Variants in NCOA2 observed in about 807,000 individuals in gnomAD.
The protein encoded by NCOA2 is nuclear receptor coactivator 2, also known as class E basic helix-loop-helix protein 75.
In NCOA2, 21 loss-of-function variants were observed where a neutral mutation model predicts 145.1. That is an observed-to-expected ratio of 0.14 (90% CI 0.10 to 0.21). The LOEUF (loss-of-function observed/expected upper bound fraction) is 0.21, where lower values mean the gene tolerates loss of function less well. Ranked by LOEUF, NCOA2 falls within the 10% of genes least tolerant of loss-of-function variation. The pLI, the probability that NCOA2 is intolerant of heterozygous loss-of-function variation, is 1.00. For missense variants in NCOA2, 1,472 were observed against 1,837.6 expected (o/e 0.80, Z 3.64); for synonymous variants, 619 against 637.5 (o/e 0.97, Z 0.44).
intron 2 of NCOA2, among the ~76,000 whole-genome samples, chr8:70,240,904 C>A (rs1177351395): frequency 3.9e-5 from 6 of 152,066 alleles, no homozygotes; most frequent in African/African-American, 1.4e-4. Context: ...TCAGGAGAAT[C>A]AATGCTATTA....
In NCOA2 at chr8:70,113,659, T is replaced by C; in HGVS notation, c.4384-16A>G. The C allele has an allele frequency of 1.7e-5, 26 of 1,551,354 alleles. No homozygotes were observed. The highest frequency in any genetic ancestry group is 2.2e-5 in the Non-Finnish European group (25 of 1,146,732). The stretch of plus-strand genomic sequence containing the variant: ...AGCAATATTTCTGTAGGAAAACAGA[T>C]AAAAAGTTGTGAAACATCTTTGAGG... On this transcript the variant is annotated splice_polypyrimidine_tract_variant and intron_variant, in intron 22 of 22. Coordinates refer to ENST00000452400, the MANE Select transcript of NCOA2 (RefSeq NM_006540.4).
chr8:70,123,369 C>T (rs1048323259), intron 21 of NCOA2, among the ~76,000 whole-genome samples: 11 of 152,132 alleles, frequency 7.2e-5, no homozygotes, highest in African/African-American at 1.2e-4. Context: ...CTATAATCCT[C>T]TAGCCGGGCA....
intron 4 of NCOA2, among the ~76,000 whole-genome samples, chr8:70,184,244 C>T (rs1214044326): frequency 1.3e-5 from 2 of 152,186 alleles, no homozygotes; most frequent in Non-Finnish European, 2.9e-5. Context: ...AAAACCCCAA[C>T]CAGCCTACTT....
At chr8:70,139,034 C>T (rs942253642) in intron 14 of NCOA2, among the ~76,000 whole-genome samples, 1 of 152,216 alleles carries the variant, frequency 6.6e-6, no homozygotes, top group South Asian at 2.1e-4. Flanking sequence ...GGCTCCTGAA[C>T]GTCGACTAAC....
chr8:70,133,071 G>GGT (rs148660851), intron 15 of NCOA2, among the ~76,000 whole-genome samples: 3,333 of 148,768 alleles, frequency 0.022, 40 homozygotes, highest in African/African-American at 0.036. Flanking sequence ...GTAGAGGAGG[G>GGT]GTGTGTGTGT....
At chr8:70,219,490 A>C (rs1384994126) in intron 2 of NCOA2, among the ~76,000 whole-genome samples, 2 of 152,096 alleles carry the variant, frequency 1.3e-5, no homozygotes, top group Non-Finnish European at 2.9e-5. Context: ...CCAAGGGGAA[A>C]GTGGGGTGGA....
At chr8:70,392,010 C>T (rs558428808) in intron 1 of NCOA2, among the ~76,000 whole-genome samples, 2 of 152,270 alleles carry the variant, frequency 1.3e-5, no homozygotes, top group African/African-American at 4.8e-5. Context: ...TACTCACAAC[C>T]ACACCGTGGA....
chr8:70,351,080 C>T (rs1809143226), intron 1 of NCOA2, among the ~76,000 whole-genome samples: 2 of 152,188 alleles, frequency 1.3e-5, no homozygotes, highest in Admixed American at 6.5e-5. Flanking sequence ...CAATAACAAA[C>T]CCACTCCCAC....
At position 70,282,094 on chromosome 8, in the gene NCOA2, C is replaced by T. The variant is rs181959589; in HGVS notation, c.-20+14650G>A. Reference sequence around the variant, plus strand: ...GAGATAAGACCAAATGTCTACTAACCCCAACAAATTAGTGTGTACATATAT... The same window carrying T: ...GAGATAAGACCAAATGTCTACTAACTCCAACAAATTAGTGTGTACATATAT... On this transcript the variant is annotated intron_variant, in intron 2 of 22. Transcript: ENST00000452400. Among the ~76,000 whole-genome samples the T allele has an allele frequency of 2.6e-5, 4 of 152,052 alleles. No individual in the cohort carries two copies. The East Asian group carries it at 7.7e-4, about 29-fold the overall frequency.
intron 2 of NCOA2, among the ~76,000 whole-genome samples, chr8:70,263,454 T>G (rs1312564729): frequency 6.6e-6 from 1 of 151,948 alleles, no homozygotes; most frequent in Non-Finnish European, 1.5e-5. Flanking sequence ...CTCCGTTTCA[T>G]GTAAGTGGTA....
the NCOA2 span, among the ~76,000 whole-genome samples, chr8:70,444,837 C>T: frequency 1.3e-5 from 2 of 152,058 alleles, no homozygotes; most frequent in Non-Finnish European, 2.9e-5. Context: ...AAGGGGCACC[C>T]CAGCATTAGG....
At chr8:70,199,147 C>T (rs367553552) in intron 4 of NCOA2, among the ~76,000 whole-genome samples, 9 of 152,028 alleles carry the variant, frequency 5.9e-5, no homozygotes, top group African/African-American at 1.7e-4. Flanking sequence ...GAATGTGGTA[C>T]AGCTCAAAAG....
chr8:70,332,029 GA>G (rs1355196482), intron 1 of NCOA2, among the ~76,000 whole-genome samples: 1 of 152,074 alleles, frequency 6.6e-6, no homozygotes, highest in Non-Finnish European at 1.5e-5. Flanking sequence ...CAATACTTAT[GA>G]AAAGCAGTCA....
chr8:70,163,578 CAT>C lies in NCOA2; in HGVS notation c.731-14_731-13del, dbSNP rs761499633. 8.3e-5 allele frequency: 133 copies of C among 1,603,290 alleles called. 2 individuals are homozygous for C. Among genetic ancestry groups the C allele is most frequent in the East Asian group, 2.5e-4 (11 of 44,798 alleles). On this transcript the variant is annotated splice_polypyrimidine_tract_variant and intron_variant, in intron 7 of 22. Coordinates refer to ENST00000452400, the MANE Select transcript of NCOA2 (RefSeq NM_006540.4). ...GCAGGACTGCAAATCTTAAACCACA[CAT>C]GTTTACATTTATCATATTGGGCTTT...
chr8:70,131,655 A>T (rs1809116358), intron 16 of NCOA2, among the ~76,000 whole-genome samples, 182 bp downstream of exon 16: 1 of 152,208 alleles, frequency 6.6e-6, no homozygotes. Flanking sequence ...ATTCTCAGGC[A>T]AAAGTTTATG....
intron 4 of NCOA2, among the ~76,000 whole-genome samples, chr8:70,181,998 T>C (rs1815536065): frequency 6.6e-6 from 1 of 152,230 alleles, no homozygotes; most frequent in South Asian, 2.1e-4. Context: ...GAATTATGCA[T>C]CTGCACCCAA....
the NCOA2 span, among the ~76,000 whole-genome samples, chr8:70,447,624 T>G: frequency 6.8e-3 from 1,042 of 152,126 alleles, 6 homozygotes; most frequent in African/African-American, 0.024. Flanking sequence ...TAATTTATAC[T>G]TTCATTTTTC....
rs1051337503 is a variant in NCOA2, at chr8:70,159,414, C to T, written c.1124+91G>A. 9.2e-6 allele frequency: 11 copies of T among 1,193,378 alleles called. No individual in the cohort carries two copies. In the South Asian group the frequency reaches 1.1e-4, roughly 12 times the overall value. 73.9% of individuals were successfully genotyped at this position (1,193,378 alleles called of 1,614,324 possible). On this transcript the variant is annotated intron_variant, in intron 10 of 22. Transcript: ENST00000452400. ...GGGATTGATGAGAAGAAATGTCTAACAAATCCTCAAAGCTCTAAAATAATT... is the reference window on the plus strand; with the variant it reads ...GGGATTGATGAGAAGAAATGTCTAATAAATCCTCAAAGCTCTAAAATAATT...
chr8:70,129,070 T>G (rs1483105707), intron 16 of NCOA2, 90 bp from the exon 17 acceptor site: 2 of 1,236,558 alleles, frequency 1.6e-6, no homozygotes, highest in Admixed American at 5.2e-5. Context: ...CTATCATATA[T>G]TTGAAGCTTT....
Sources: gnomAD v4.1 joint callset for allele counts (sites outside exome capture counted in the v4.1 genomes callset) on GRCh38, gnomAD v4.1.1 for gene constraint, MANE v1.5 for transcripts, NCBI Gene and HGNC (gene_info 2026-07-23, HGNC 2026-07-21) for gene names.